NPIPB2: variants seen among roughly 807,000 people sequenced by gnomAD.
The protein encoded by NPIPB2 is nuclear pore complex-interacting protein family member B2.
A neutral mutation model predicts 30.8 loss-of-function variants in NPIPB2; 27 were observed. The observed-to-expected ratio is 0.88, with a 90% confidence interval of 0.65 to 1.21. The LOEUF (loss-of-function observed/expected upper bound fraction) is 1.21, where lower values mean the gene tolerates loss of function less well. Among genes scored for constraint, NPIPB2 ranks in the 50% most tolerant of loss-of-function variants. The pLI, the probability that NPIPB2 is intolerant of heterozygous loss-of-function variation, is 0.00. For synonymous variants in NPIPB2, 147 were observed against 162.0 expected, an observed-to-expected ratio of 0.91 and a Z score of 0.70; for missense variants, 440 against 446.2, an observed-to-expected ratio of 0.99 and a Z score of 0.13.
At chr16:11,970,650 C>G (rs1424327521) in intron 1 of NPIPB2, among the ~76,000 whole-genome samples, 1 of 152,062 alleles carries the variant, frequency 6.6e-6, no homozygotes, top group Non-Finnish European at 1.5e-5. Context: ...ATTCTCCTGC[C>G]TCAGCCTCCC....
At chr16:11,931,656 CT>C (rs1474242517) in intron 4 of NPIPB2, among the ~76,000 whole-genome samples, 2 of 145,184 alleles carry the variant, frequency 1.4e-5, no homozygotes, top group Non-Finnish European at 3.0e-5. Flanking sequence ...CTGCTGTGCA[CT>C]TGGGAACTAG....
At chr16:11,970,707 TG>T (rs940289927) in intron 1 of NPIPB2, among the ~76,000 whole-genome samples, 141 of 150,312 alleles carry the variant, frequency 9.4e-4, no homozygotes, top group African/African-American at 3.0e-3. Context: ...GGCTAATTTT[TG>T]TATTTTTAAT....
chr16:11,953,924 C>T (rs921215956), intron 1 of NPIPB2, among the ~76,000 whole-genome samples: 32 of 152,020 alleles, frequency 2.1e-4, no homozygotes, highest in Middle Eastern at 3.4e-3. Flanking sequence ...GATTTGCCCG[C>T]CTTGGCCTCC....
At chr16:11,953,877 C>T (rs578123779) in intron 1 of NPIPB2, among the ~76,000 whole-genome samples, 7 of 151,702 alleles carry the variant, frequency 4.6e-5, no homozygotes, top group African/African-American at 1.4e-4. Flanking sequence ...GATTTCACCA[C>T]GTTGGCCAGG....
At chr16:11,959,621 T>A (rs1226596780) in intron 1 of NPIPB2, among the ~76,000 whole-genome samples, 1 of 152,022 alleles carries the variant, frequency 6.6e-6, no homozygotes, top group African/African-American at 2.4e-5. Flanking sequence ...AAAAAAATAT[T>A]CAAACACTGC....
chr16:11,938,518 A>G (rs1213172820), intron 1 of NPIPB2, among the ~76,000 whole-genome samples: 1 of 150,616 alleles, frequency 6.6e-6, no homozygotes. Context: ...TTCTGTGGAG[A>G]TGGGGTTTTG....
intron 1 of NPIPB2, among the ~76,000 whole-genome samples, chr16:11,972,257 T>TA (rs1382956442): frequency 6.6e-6 from 1 of 151,960 alleles, no homozygotes; most frequent in African/African-American, 2.4e-5. Context: ...CTTCAGAAAA[T>TA]AGATTGTAAA....
chr16:11,938,684 A>G (rs74635298), intron 1 of NPIPB2, among the ~76,000 whole-genome samples: 1,521 of 151,914 alleles, frequency 0.01, 9 homozygotes, highest in Middle Eastern at 0.021. Flanking sequence ...ACTGCATTCA[A>G]AACTGTCCTG....
intron 1 of NPIPB2, among the ~76,000 whole-genome samples, chr16:11,938,482 C>G (rs901319154): frequency 6.6e-6 from 1 of 151,912 alleles, no homozygotes; most frequent in Non-Finnish European, 1.5e-5. Context: ...AGGTGCCTGA[C>G]AGTGCACTCA....
intron 1 of NPIPB2, among the ~76,000 whole-genome samples, chr16:11,951,668 C>CA (rs1596500890): frequency 1.6e-5 from 1 of 63,680 alleles, no homozygotes; most frequent in Non-Finnish European, 4.0e-5. Context: ...ACACACACAC[C>CA]CAGCCCCCAA....
At chr16:11,930,450 A>G (rs755064814) in exon 5 of NPIPB2, 2 of 1,556,716 alleles carry the variant, frequency 1.3e-6, no homozygotes, top group Non-Finnish European at 1.7e-6. Context: ...CTGAACTCAC[A>G]TGTAGGTGTG....
chr16:11,945,536 G>A (rs1596497588), upstream of NPIPB2, among the ~76,000 whole-genome samples: 1 of 152,108 alleles, frequency 6.6e-6, no homozygotes, highest in East Asian at 1.9e-4. Context: ...AAATTAGCCA[G>A]GTGTGGTGGT....
At chr16:11,976,527 C>T (rs2055300043) in intron 1 of NPIPB2, 2 of 349,730 alleles carry the variant, frequency 5.7e-6, no homozygotes, top group Non-Finnish European at 1.0e-5. Context: ...GTCTTGGGCA[C>T]TTGGGGACAG....
chr16:11,959,431 A>C (rs569676958), intron 1 of NPIPB2, among the ~76,000 whole-genome samples: 1 of 152,156 alleles, frequency 6.6e-6, no homozygotes, highest in Admixed American at 6.6e-5. Flanking sequence ...AAAATTAAAA[A>C]GGAAAAAAAA....
At chr16:11,951,552 T>G (rs893686089) in intron 1 of NPIPB2, among the ~76,000 whole-genome samples, 1 of 147,872 alleles carries the variant, frequency 6.8e-6, no homozygotes, top group Non-Finnish European at 1.5e-5. Flanking sequence ...TCTTTATACA[T>G]CCTTCTCCTC....
At chr16:11,937,110 C>T (rs772335595) in intron 2 of NPIPB2, among the ~76,000 whole-genome samples, 2 of 152,088 alleles carry the variant, frequency 1.3e-5, no homozygotes, top group East Asian at 1.9e-4. Flanking sequence ...CATGTTTATG[C>T]CTGTTCTATG....
chr16:11,976,528 T>C (rs952731954), intron 1 of NPIPB2: 4 of 348,952 alleles, frequency 1.1e-5, no homozygotes, highest in South Asian at 1.5e-4. Flanking sequence ...TCTTGGGCAC[T>C]TGGGGACAGC....
rs142890348 is a variant in NPIPB2, at chr16:11,972,932, G to A, written c.-584+3636C>T. Reference sequence around the variant, plus strand: ...TCCCAGCACTTTGGGAGGCCGAGGCGGGCGGATCACCTGAGGTCAGGAGTT... The same window carrying A: ...TCCCAGCACTTTGGGAGGCCGAGGCAGGCGGATCACCTGAGGTCAGGAGTT... On this transcript the variant is annotated intron_variant, in intron 1 of 5. Coordinates refer to the NPIPB2 transcript ENST00000538896. Among the ~76,000 whole-genome samples the A allele has an allele frequency of 5.7e-3, 861 of 151,760 alleles. 12 individuals carry two copies. The highest frequency in any genetic ancestry group is 0.02 in the African/African-American group (817 of 41,406).
intron 1 of NPIPB2, among the ~76,000 whole-genome samples, chr16:11,973,211 A>T (rs2055246833): frequency 6.6e-6 from 1 of 150,914 alleles, no homozygotes; most frequent in South Asian, 2.1e-4. Flanking sequence ...TAATTCTAAA[A>T]GGGAGGAGTC....
Sources: gnomAD v4.1 joint callset for allele counts (sites outside exome capture counted in the v4.1 genomes callset) on GRCh38, gnomAD v4.1.1 for gene constraint, MANE v1.5 for transcripts, NCBI Gene and HGNC (gene_info 2026-07-23, HGNC 2026-07-21) for gene names.